The following TGFB1I1 variants were observed in gnomAD, a reference collection of about 807,000 sequenced individuals.
TGFB1I1 encodes transforming growth factor beta-1-induced transcript 1 protein.
In TGFB1I1, 33 loss-of-function variants were observed where a neutral mutation model predicts 52.0. The ratio of observed to expected loss-of-function variants is 0.63; its 90% CI spans 0.48 to 0.85. TGFB1I1 has a LOEUF of 0.85. Among genes scored for constraint, TGFB1I1 ranks in the 40% least tolerant of loss-of-function variants. The pLI, the probability that TGFB1I1 is intolerant of heterozygous loss-of-function variation, is 0.00. For synonymous variants in TGFB1I1, 236 were observed against 253.3 expected (o/e 0.93, Z 0.65); for missense variants, 577 against 614.9 (o/e 0.94, Z 0.65).
Position 31,477,735 on chromosome 16 carries a change from GGCCCA to G in TGFB1I1, c.*163_*167del, listed in dbSNP as rs1387217095. The G allele has an allele frequency of 1.0e-6, 1 of 1,000,102 alleles. No homozygotes were observed. The highest frequency in any genetic ancestry group is 2.7e-5 in the East Asian group (1 of 37,356). The allele number at this position is 1,000,102 out of a possible 1,614,324, so 62.0% of individuals were successfully genotyped here. On this transcript the variant is annotated 3_prime_UTR_variant, in exon 11 of 11. Coordinates refer to ENST00000394863, the MANE Select transcript of TGFB1I1 (RefSeq NM_001042454.3). This position sits in a 1 kb window ranked among gnomAD's most constrained non-coding sequence, Gnocchi z 4.7. Reference sequence around the variant, plus strand: ...GTCCTCAGGGGTCAAGTTCAGAAACGGCCCAGCCAGACCTAAACCCACACGCCCAC... The same window carrying G: ...GTCCTCAGGGGTCAAGTTCAGAAACGGCCAGACCTAAACCCACACGCCCAC...
intron 1 of TGFB1I1, chr16:31,472,407 C>A: frequency 1.0e-6 from 1 of 954,552 alleles, no homozygotes; most frequent in Non-Finnish European, 1.4e-6. Flanking sequence ...CTTCTTCCCT[C>A]GCTGTGCTCC....
At chr16:31,475,891 C>A (rs962351625) in intron 7 of TGFB1I1, 121 bp from the exon 8 acceptor site, 1 of 1,115,702 alleles carries the variant, frequency 9.0e-7, no homozygotes, top group Non-Finnish European at 1.3e-6. Flanking sequence ...TGCGTGATCT[C>A]GAACACTGGA....
rs1391253207 is a variant in TGFB1I1 at position 31,477,022 on chromosome 16, G to T, written c.1119+12G>T. 1 of 1,566,162 alleles carries T rather than the reference G, an allele frequency of 6.4e-7. No individual in the cohort carries two copies. The highest frequency in any genetic ancestry group is 1.2e-5 in the South Asian group (1 of 86,464). On this transcript the variant is annotated intron_variant, in intron 10 of 10. Coordinates refer to ENST00000394863, the MANE Select transcript of TGFB1I1 (RefSeq NM_001042454.3). This position sits in a 1 kb window ranked among gnomAD's most constrained non-coding sequence, Gnocchi z 4.7. The stretch of plus-strand genomic sequence containing the variant: ...GTTTCGTCTGCAGGGTGCGAGCTGC[G>T]GGGCGGGGCGTTGGAGGGGCGGGTC...
In TGFB1I1 at chr16:31,477,231, G is replaced by A; in HGVS notation, c.1120-79G>A. 1 of 1,533,654 alleles carries A rather than the reference G, an allele frequency of 6.5e-7. No homozygotes were observed. The highest frequency in any genetic ancestry group is 1.4e-5 in the African/African-American group (1 of 73,426). On this transcript the variant is annotated intron_variant, in intron 10 of 10. Coordinates refer to ENST00000394863, the MANE Select transcript of TGFB1I1 (RefSeq NM_001042454.3). The surrounding 1 kb of genome is among the most constrained non-coding windows in gnomAD (Gnocchi z 4.7). The stretch of plus-strand genomic sequence containing the variant: ...CTAGGGCGGGCTGCGGGGTCCCAGG[G>A]CGTTATCCGCTAGTAACGCGCGTTG...
chr16:31,474,288 G>A lies in TGFB1I1; in HGVS notation c.413+49G>A. Reference sequence around the variant, plus strand: ...GCTGAGAGATGAGTCCTGGATATCTGAGTCACTAGAGGGAGCGTTGCTCTG... The same window carrying A: ...GCTGAGAGATGAGTCCTGGATATCTAAGTCACTAGAGGGAGCGTTGCTCTG... On this transcript the variant is annotated intron_variant, in intron 5 of 10. Coordinates refer to ENST00000394863, the MANE Select transcript of TGFB1I1 (RefSeq NM_001042454.3). The surrounding 1 kb of genome is among the most constrained non-coding windows in gnomAD (Gnocchi z 4.2). 6.2e-7 allele frequency: 1 copy of A among 1,613,532 alleles called. No homozygotes were observed. Among genetic ancestry groups the A allele is most frequent in the Non-Finnish European group, 8.5e-7 (1 of 1,179,510 alleles).
chr16:31,476,844 C>T lies in TGFB1I1; in HGVS notation c.971-18C>T, dbSNP rs1435731378. 3.1e-6 allele frequency: 5 copies of T among 1,611,696 alleles called. No homozygotes were observed. The highest frequency in any genetic ancestry group is 3.4e-6 in the Non-Finnish European group (4 of 1,179,830). ...GCCCGCACCCTTTGCTTTCAGCCCA[C>T]TCGGTTCCCTCTCCTAGGTTTCCAC... On this transcript the variant is annotated intron_variant, in intron 9 of 10. Coordinates refer to ENST00000394863, the MANE Select transcript of TGFB1I1 (RefSeq NM_001042454.3). The surrounding 1 kb of genome is among the most constrained non-coding windows in gnomAD (Gnocchi z 7.6).
At position 31,477,556 on chromosome 16, in the gene TGFB1I1, T is replaced by C; in HGVS notation, c.1366T>C (p.Phe456Leu). Reference protein sequence around the residue: ...RAGKPYCQPCFLKLFG With the variant: ...RAGKPYCQPCLLKLFG Reference sequence around the variant, plus strand: ...CGGCAAGCCCTACTGCCAGCCCTGCTTCCTGAAGCTCTTCGGCTGACAGCC... The same window carrying C: ...CGGCAAGCCCTACTGCCAGCCCTGCCTCCTGAAGCTCTTCGGCTGACAGCC... Residue 456 changes from phenylalanine to leucine, a missense_variant, in exon 11 of 11, where the codon TTC (phenylalanine) becomes CTC (leucine). Around this residue, in one of 3 missense-constraint regions of TGFB1I1, gnomAD observed 456 missense variants for 461.6 expected, o/e 0.99. Coordinates refer to ENST00000394863, the MANE Select transcript of TGFB1I1 (RefSeq NM_001042454.3). This position sits in a 1 kb window ranked among gnomAD's most constrained non-coding sequence, Gnocchi z 4.7. The C allele has an allele frequency of 6.2e-7, 1 of 1,607,576 alleles. No individual in the cohort carries two copies. The highest frequency in any genetic ancestry group is 1.3e-5 in the African/African-American group (1 of 74,982).
rs768538574 is a variant in TGFB1I1, at chr16:31,476,574, C to T, written c.970+12C>T. The stretch of plus-strand genomic sequence containing the variant: ...CTTCGGAGATGAGGGTGAGAGTGAA[C>T]TCGACTCCCATCTTAAAAGCTGCGG... On this transcript the variant is annotated intron_variant, in intron 9 of 10. Transcript: ENST00000394863. The surrounding 1 kb of genome is among the most constrained non-coding windows in gnomAD (Gnocchi z 7.6). 58 of 1,610,664 alleles carry T rather than the reference C, an allele frequency of 3.6e-5. No homozygotes were observed. In the South Asian group the frequency reaches 6.2e-4, roughly 17 times the overall value.
chr16:31,474,759 T>C lies in TGFB1I1; in HGVS notation c.714+2T>C. ...TGCAATAAACCTATTGCTGGGCAAG[T>C]AAGTGGAGCCTTGTGAGAAGGGAGG... On this transcript the variant is annotated splice_donor_variant, in intron 7 of 10. Coordinates refer to ENST00000394863, the MANE Select transcript of TGFB1I1 (RefSeq NM_001042454.3). LOFTEE classifies it high-confidence loss of function. This position sits in a 1 kb window ranked among gnomAD's most constrained non-coding sequence, Gnocchi z 4.2. 6.2e-7 allele frequency: 1 copy of C among 1,602,546 alleles called. No homozygotes were observed. Among genetic ancestry groups the C allele is most frequent in the South Asian group, 1.1e-5 (1 of 89,286 alleles).
Position 31,476,202 on chromosome 16 carries a change from C to T in TGFB1I1, c.888+17C>T, listed in dbSNP as rs1405640008. 4 of 1,607,048 alleles carry T rather than the reference C, an allele frequency of 2.5e-6. No individual in the cohort carries two copies. Among genetic ancestry groups the T allele is most frequent in the Non-Finnish European group, 3.4e-6 (4 of 1,177,652 alleles). ...ATCCGACACGTGAGCCCCGCCCGGC[C>T]GCACCGAGCCCGCCCTATCTCACCA... On this transcript the variant is annotated intron_variant, in intron 8 of 10. Coordinates refer to ENST00000394863, the MANE Select transcript of TGFB1I1 (RefSeq NM_001042454.3). The surrounding 1 kb of genome is among the most constrained non-coding windows in gnomAD (Gnocchi z 7.6).
Position 31,474,858 on chromosome 16 carries a change from G to A in TGFB1I1, c.714+101G>A. On this transcript the variant is annotated intron_variant, in intron 7 of 10. Transcript: ENST00000394863. This position sits in a 1 kb window ranked among gnomAD's most constrained non-coding sequence, Gnocchi z 4.2. The stretch of plus-strand genomic sequence containing the variant: ...GTTCCCTTTTAGTAAGTTAATCTGG[G>A]AAGTGGGTATCATTATTACTTATGT... 9.0e-7 allele frequency: 1 copy of A among 1,107,016 alleles called. No individual in the cohort carries two copies. The highest frequency in any genetic ancestry group is 1.3e-6 in the Non-Finnish European group (1 of 770,490). The allele number at this position is 1,107,016 out of a possible 1,614,324, so 68.6% of individuals were successfully genotyped here.
Position 31,476,091 on chromosome 16 carries a change from G to A in TGFB1I1, c.794G>A (p.Ser265Asn). Reference sequence around the variant, plus strand: ...TGTTCCACCGCCCTGGGAGGCAGCAGCTTCTTCGAGAAGGATGGAGCCCCC... The same window carrying A: ...TGTTCCACCGCCCTGGGAGGCAGCAACTTCTTCGAGAAGGATGGAGCCCCC... ...GGCSTALGGS[S>N]FFEKDGAPFC... Residue 265 changes from serine to asparagine, a missense_variant, in exon 8 of 11, where the codon AGC (serine) becomes AAC (asparagine). Ser to Asn is a conservative substitution (Grantham distance 46). Around this residue, in one of 3 missense-constraint regions of TGFB1I1, gnomAD observed 456 missense variants for 461.6 expected, o/e 0.99. Coordinates refer to ENST00000394863, the MANE Select transcript of TGFB1I1 (RefSeq NM_001042454.3). The surrounding 1 kb of genome is among the most constrained non-coding windows in gnomAD (Gnocchi z 7.6). 2 of 1,613,904 alleles carry A rather than the reference G, an allele frequency of 1.2e-6. No homozygotes were observed. Among genetic ancestry groups the A allele is most frequent in the Non-Finnish European group, 1.7e-6 (2 of 1,180,004 alleles).
intron 1 of TGFB1I1, chr16:31,472,462 C>T: frequency 2.3e-6 from 1 of 426,678 alleles, no homozygotes; most frequent in Non-Finnish European, 3.4e-6. Flanking sequence ...GCGGCGCCCG[C>T]GGGCGCCCGG....
Position 31,477,930 on chromosome 16 carries a change from T to C in TGFB1I1, c.*354T>C, listed in dbSNP as rs1284507238. On this transcript the variant is annotated 3_prime_UTR_variant, in exon 11 of 11. Coordinates refer to ENST00000394863, the MANE Select transcript of TGFB1I1 (RefSeq NM_001042454.3). This position sits in a 1 kb window ranked among gnomAD's most constrained non-coding sequence, Gnocchi z 4.7. ...CCCTCACTGTTCTGTGCACTTTTTCTACCTACATAAACACACGCATTCCAC... is the reference window on the plus strand; with the variant it reads ...CCCTCACTGTTCTGTGCACTTTTTCCACCTACATAAACACACGCATTCCAC... The C allele has an allele frequency of 1.4e-5, 4 of 293,958 alleles. No individual in the cohort carries two copies. Among genetic ancestry groups the C allele is most frequent in the Non-Finnish European group, 2.5e-5 (4 of 157,792 alleles). 18.2% of individuals were successfully genotyped at this position (293,958 alleles called of 1,614,324 possible).
At position 31,477,175 on chromosome 16, in the gene TGFB1I1, G is replaced by C. The variant is rs959466152; in HGVS notation, c.1120-135G>C. On this transcript the variant is annotated intron_variant, in intron 10 of 10. Coordinates refer to ENST00000394863, the MANE Select transcript of TGFB1I1 (RefSeq NM_001042454.3). This position sits in a 1 kb window ranked among gnomAD's most constrained non-coding sequence, Gnocchi z 4.7. ...ACCTCGGGTGGGGCGAGTTTTCCGG[G>C]CAGGGTCCCACCGGACGGGATTCTT... The C allele has an allele frequency of 6.9e-7, 1 of 1,439,422 alleles. No homozygotes were observed. Among genetic ancestry groups the C allele is most frequent in the African/African-American group, 1.4e-5 (1 of 70,182 alleles). The allele number at this position is 1,439,422 out of a possible 1,614,324, so 89.2% of individuals were successfully genotyped here.
chr16:31,473,468 C>T lies in TGFB1I1; in HGVS notation c.41C>T (p.Thr14Ile). ...LDALLSDLET[T>I]TSHMPRSGAP... ...GCCCTGCTCTCTGACCTGGAGACTA[C>T]CACCTCGCACATGCCAAGGTCAGGG... The change falls in exon 2 of 11, where the codon ACC (threonine) becomes ATC (isoleucine). Residue 14 changes from threonine to isoleucine, a missense_variant. Physicochemically the swap from Thr to Ile is moderately conservative, Grantham distance 89 (BLOSUM62 -1). Around this residue, in one of 3 missense-constraint regions of TGFB1I1, gnomAD observed 113 missense variants for 123.9 expected, o/e 0.91. Transcript: ENST00000394863. 1 of 1,613,828 alleles carries T rather than the reference C, an allele frequency of 6.2e-7. No homozygotes were observed. Among genetic ancestry groups the T allele is most frequent in the Non-Finnish European group, 8.5e-7 (1 of 1,179,978 alleles).
intron 1 of TGFB1I1, chr16:31,473,148 G>T: frequency 1.7e-6 from 2 of 1,161,312 alleles, no homozygotes; most frequent in East Asian, 5.0e-5. Context: ...GCAATTTGGA[G>T]GGGAGCCAAA....
In TGFB1I1 at chr16:31,477,494, T is replaced by A; in HGVS notation, c.1304T>A (p.Leu435Gln). 2.5e-6 allele frequency: 4 copies of A among 1,608,202 alleles called. No homozygotes were observed. Among genetic ancestry groups the A allele is most frequent in the Non-Finnish European group, 3.4e-6 (4 of 1,177,870 alleles). The change falls in exon 11 of 11, where the codon CTG becomes CAG. Residue 435 changes from leucine (L) to glutamine (Q), a missense_variant. Leu to Gln is a moderately radical substitution (Grantham distance 113, BLOSUM62 -2). Around this residue, in one of 3 missense-constraint regions of TGFB1I1, gnomAD observed 456 missense variants for 461.6 expected, o/e 0.99. Transcript: ENST00000394863. The surrounding 1 kb of genome is among the most constrained non-coding windows in gnomAD (Gnocchi z 4.7). The stretch of plus-strand genomic sequence containing the variant: ...GACCACTTCACATGCACCTTCTGCC[T>A]GCGCCCGCTCACCAAGGGGTCCTTC... Reference protein sequence around the residue: ...HPDHFTCTFCLRPLTKGSFQE... With the variant: ...HPDHFTCTFCQRPLTKGSFQE...
In TGFB1I1 at chr16:31,477,657, C is replaced by T. The variant is rs1485983364; in HGVS notation, c.*81C>T. The T allele has an allele frequency of 2.0e-6, 3 of 1,468,464 alleles. No individual in the cohort carries two copies. The African/African-American group carries it at 4.2e-5, about 21-fold the overall frequency. The allele number at this position is 1,468,464 out of a possible 1,614,324, so 91.0% of individuals were successfully genotyped here. A position where few individuals can be genotyped will look rare whatever the true frequency, so the allele number is the denominator to read the frequency against. On this transcript the variant is annotated 3_prime_UTR_variant, in exon 11 of 11. Coordinates refer to ENST00000394863, the MANE Select transcript of TGFB1I1 (RefSeq NM_001042454.3). The surrounding 1 kb of genome is among the most constrained non-coding windows in gnomAD (Gnocchi z 4.7). ...GTCCTCCAGACCCCGAGGCCTTGCT[C>T]TCAGAGCGGGAGGCCCCACCCACTG... is the stretch of plus-strand genomic sequence containing the variant.
Sources: gnomAD v4.1 joint callset for allele counts on GRCh38, gnomAD v4.1.1 for gene constraint, gnomAD v4.1.1 regional missense constraint, Gnocchi (gnomAD v3.1) non-coding constraint, MANE v1.5 for transcripts, NCBI Gene and HGNC (gene_info 2026-07-23, HGNC 2026-07-21) for gene names.